The following KSR2 variants were observed in gnomAD, a reference collection of about 807,000 sequenced individuals.
KSR2 encodes kinase suppressor of ras 2.
In KSR2, 25 loss-of-function variants were observed where a neutral mutation model predicts 107.8. The observed-to-expected ratio is 0.23, with a 90% confidence interval of 0.17 to 0.32. The LOEUF (loss-of-function observed/expected upper bound fraction) is 0.32. Ranked by LOEUF, KSR2 falls within the 10% of genes least tolerant of loss-of-function variation. The pLI is 1.00. For synonymous variants in KSR2, 480 were observed against 507.0 expected, an observed-to-expected ratio of 0.95 and a Z score of 0.71; for missense variants, 887 against 1,268.9, an observed-to-expected ratio of 0.70 and a Z score of 4.57.
At chr12:117,497,481 C>T (rs1199344945) in intron 14 of KSR2, among the ~76,000 whole-genome samples, 3 of 152,106 alleles carry the variant, frequency 2.0e-5, no homozygotes, top group Non-Finnish European at 2.9e-5. Flanking sequence ...CAAATCCCTC[C>T]ACGCAGGGCA....
intron 5 of KSR2, among the ~76,000 whole-genome samples, chr12:117,638,792 A>G (rs752867626): frequency 9.9e-5 from 15 of 152,178 alleles, no homozygotes; most frequent in Non-Finnish European, 1.5e-4. Context: ...TGTTCATTTT[A>G]TCAGGGCTGG....
Position 117,968,328 on chromosome 12 carries a change from C to T in KSR2, c.-73G>A. 1 of 1,424,466 alleles carries T rather than the reference C, an allele frequency of 7.0e-7. No homozygotes were observed. The highest frequency in any genetic ancestry group is 9.1e-7 in the Non-Finnish European group (1 of 1,098,882). The allele number at this position is 1,424,466 out of a possible 1,614,324, so 88.2% of individuals were successfully genotyped here. A position where few individuals can be genotyped will look rare whatever the true frequency, so the allele number is the denominator to read the frequency against. On this transcript the variant is annotated 5_prime_UTR_variant, in exon 1 of 20. Coordinates refer to ENST00000339824, the MANE Select transcript of KSR2 (RefSeq NM_173598.6). ...AAAGAGGGGGGGGAGTAGAGGTAGTCTACCCTCCGCCTCTCCAACCACTGC... is the reference window on the plus strand; with the variant it reads ...AAAGAGGGGGGGGAGTAGAGGTAGTTTACCCTCCGCCTCTCCAACCACTGC...
rs976256911 is a variant in KSR2 at position 117,623,294 on chromosome 12, C to T, written c.1172-40935G>A. Among the ~76,000 whole-genome samples the T allele has an allele frequency of 9.9e-5, 15 of 151,930 alleles. 1 individual carries two copies. Among genetic ancestry groups the T allele is most frequent in the African/African-American group, 3.6e-4 (15 of 41,436 alleles). ...ATGTGCACAACATGCAGGTTTGATA[C>T]ATAGGTATACATGTGACTTGTTGGT... On this transcript the variant is annotated intron_variant, in intron 5 of 19. Coordinates refer to ENST00000339824, the MANE Select transcript of KSR2 (RefSeq NM_173598.6).
Position 117,646,326 on chromosome 12 carries a change from C to T in KSR2, c.1171+21148G>A, listed in dbSNP as rs1020413423. 3.9e-5 allele frequency among the ~76,000 whole-genome samples: 6 copies of T among 152,302 alleles called. No homozygotes were observed. The East Asian group carries it at 7.7e-4, about 20-fold the overall frequency. On this transcript the variant is annotated intron_variant, in intron 5 of 19. Transcript: ENST00000339824. ...CTGCAGAAGCAGCAGCTGAACCTAT[C>T]CAGCCATTTCCAGCCCATAACATGC... is the stretch of plus-strand genomic sequence containing the variant.
chr12:117,863,730 T>C (rs78011197), intron 1 of KSR2, among the ~76,000 whole-genome samples: 2,758 of 152,230 alleles, frequency 0.018, 84 homozygotes, highest in African/African-American at 0.062. Context: ...CTCACGGGGC[T>C]AAAGTCAAGA....
chr12:117,724,081 C>T (rs1010491696), intron 4 of KSR2, among the ~76,000 whole-genome samples: 9 of 151,796 alleles, frequency 5.9e-5, no homozygotes, highest in African/African-American at 1.7e-4. Flanking sequence ...CTGAGGTGGG[C>T]GAATCACTTG....
Position 117,737,070 on chromosome 12 carries a change from C to G in KSR2, c.986+23941G>C, listed in dbSNP as rs1377009411. Among the ~76,000 whole-genome samples, 3 of 152,314 alleles carry G rather than the reference C, an allele frequency of 2.0e-5. No homozygotes were observed. In the East Asian group the frequency reaches 5.8e-4, roughly 29 times the overall value. On this transcript the variant is annotated intron_variant, in intron 4 of 19. Coordinates refer to ENST00000339824, the MANE Select transcript of KSR2 (RefSeq NM_173598.6). Reference sequence around the variant, plus strand: ...TATACAACTTCAAACACCATTTTCACCTGTGTGGCCTCATGAGTGTTTGAT... The same window carrying G: ...TATACAACTTCAAACACCATTTTCAGCTGTGTGGCCTCATGAGTGTTTGAT...
intron 1 of KSR2, among the ~76,000 whole-genome samples, chr12:117,906,220 G>A (rs1177059213): frequency 6.6e-6 from 1 of 151,996 alleles, no homozygotes; most frequent in East Asian, 1.9e-4. Context: ...AGGCATGGTG[G>A]TGGGCACCTG....
intron 5 of KSR2, among the ~76,000 whole-genome samples, chr12:117,617,704 T>C (rs952081432): frequency 3.3e-5 from 5 of 152,208 alleles, no homozygotes; most frequent in Admixed American, 6.5e-5. Context: ...GATGAAGTGA[T>C]TGCACAGGGA....
chr12:117,532,037 C>T (rs1002236775), intron 10 of KSR2, among the ~76,000 whole-genome samples: 1 of 152,100 alleles, frequency 6.6e-6, no homozygotes, highest in Non-Finnish European at 1.5e-5. Context: ...AGCCATAATC[C>T]AAAATATTAA....
chr12:117,786,802 G>A (rs1812316), intron 3 of KSR2, among the ~76,000 whole-genome samples: 69,568 of 151,686 alleles, frequency 0.46, 16,607 homozygotes, highest in East Asian at 0.65. Context: ...GGCAACAAGA[G>A]TGAAACTCAC....
chr12:117,775,976 T>C (rs1025470832), intron 3 of KSR2, among the ~76,000 whole-genome samples: 6 of 152,050 alleles, frequency 3.9e-5, no homozygotes, highest in African/African-American at 1.5e-4. Context: ...AGACTACAAA[T>C]TGGGTTCAGT....
intron 14 of KSR2, among the ~76,000 whole-genome samples, chr12:117,521,551 C>T (rs816194): frequency 0.75 from 114,569 of 152,218 alleles, 43,307 homozygotes; most frequent in East Asian, 0.96. Flanking sequence ...ATAGCATTTG[C>T]GGCTATAGCA....
intron 5 of KSR2, among the ~76,000 whole-genome samples, chr12:117,627,827 C>T (rs535466256): frequency 2.6e-5 from 4 of 152,240 alleles, no homozygotes; most frequent in Admixed American, 2.6e-4. Context: ...CTGCATCACT[C>T]TCAGGTACAC....
intron 4 of KSR2, among the ~76,000 whole-genome samples, chr12:117,727,974 T>G (rs1887504701): frequency 6.6e-6 from 1 of 152,194 alleles, no homozygotes; most frequent in Non-Finnish European, 1.5e-5. Context: ...GGGTACACAC[T>G]ATATGATGGC....
intron 5 of KSR2, among the ~76,000 whole-genome samples, chr12:117,590,484 T>G (rs1194707184): frequency 6.6e-6 from 1 of 152,164 alleles, no homozygotes; most frequent in Non-Finnish European, 1.5e-5. Context: ...CTCATAAGAT[T>G]GGTAGGAGGA....
At chr12:117,653,086 C>A (rs190150677) in intron 5 of KSR2, among the ~76,000 whole-genome samples, 181 of 152,320 alleles carry the variant, frequency 1.2e-3, no homozygotes, top group African/African-American at 4.0e-3. Context: ...GTGCCACCAA[C>A]AAGGACATGA....
In KSR2 at chr12:117,607,651, GGAA is replaced by G. The variant is rs1881349952; in HGVS notation, c.1172-25295_1172-25293del. ...ATCCACAGACCTCCCGGAGAGGGGA[GGAA>G]AGGAGAGGAGAGGAGAGGAGAGGAG... On this transcript the variant is annotated intron_variant, in intron 5 of 19. Coordinates refer to ENST00000339824, the MANE Select transcript of KSR2 (RefSeq NM_173598.6). Among the ~76,000 whole-genome samples, 7 of 139,892 alleles carry G rather than the reference GGAA, an allele frequency of 5.0e-5. 1 individual carries two copies. Among genetic ancestry groups the G allele is most frequent in the African/African-American group, 1.9e-4 (7 of 36,606 alleles). 91.8% of individuals were successfully genotyped at this position (139,892 alleles called of 152,430 possible).
intron 4 of KSR2, among the ~76,000 whole-genome samples, chr12:117,707,264 T>C (rs1886564348): frequency 6.6e-6 from 1 of 152,040 alleles, no homozygotes; most frequent in Non-Finnish European, 1.5e-5. Context: ...AAATAGGAAG[T>C]GACAGTTAAG....
Sources: allele counts gnomAD v4.1 joint callset (sites outside exome capture counted in the v4.1 genomes callset), GRCh38; gene constraint gnomAD v4.1.1; transcripts MANE v1.5; gene names NCBI Gene and HGNC (gene_info 2026-07-23, HGNC 2026-07-21).